DAB1: variants seen among roughly 807,000 people sequenced by gnomAD.
DAB1 encodes disabled homolog 1.
DAB1 carries 15 observed loss-of-function variants against 64.6 expected under a neutral mutation model. The ratio of observed to expected loss-of-function variants is 0.23; its 90% CI spans 0.16 to 0.36. DAB1 has a LOEUF of 0.36. DAB1 is among the 10% of genes least tolerant of loss of function. The pLI, the probability that DAB1 is intolerant of heterozygous loss-of-function variation, is 1.00. For missense variants in DAB1, 596 were observed against 706.7 expected, an observed-to-expected ratio of 0.84 and a Z score of 1.78; for synonymous variants, 235 against 251.9, an observed-to-expected ratio of 0.93 and a Z score of 0.64.
chr1:57,377,281 A>G (rs111754913), intron 1 of DAB1, among the ~76,000 whole-genome samples: 11 of 146,554 alleles, frequency 7.5e-5, no homozygotes, highest in East Asian at 2.0e-4. Flanking sequence ...AAAAAAAAAA[A>G]AAAAGAAAAG....
intron 6 of DAB1, among the ~76,000 whole-genome samples, chr1:57,693,760 A>C (rs1193698821): frequency 6.6e-6 from 1 of 152,198 alleles, no homozygotes; most frequent in Non-Finnish European, 1.5e-5. Flanking sequence ...ACCAGAAGGA[A>C]GAAACTCTGG....
intron 6 of DAB1, among the ~76,000 whole-genome samples, chr1:57,772,347 T>C (rs1462414823): frequency 6.6e-6 from 1 of 152,124 alleles, no homozygotes; most frequent in East Asian, 1.9e-4. Context: ...CTTTGCAAAA[T>C]TGTGTTTATT....
intron 6 of DAB1, among the ~76,000 whole-genome samples, chr1:57,658,530 C>A (rs558042835): frequency 1.3e-5 from 2 of 151,686 alleles, no homozygotes; most frequent in East Asian, 3.9e-4. Flanking sequence ...GTCTCGATCT[C>A]CTGACCTTGT....
intron 4 of DAB1, among the ~76,000 whole-genome samples, chr1:58,231,329 A>C (rs1016995024): frequency 3.9e-5 from 6 of 152,168 alleles, no homozygotes; most frequent in Non-Finnish European, 7.3e-5. Flanking sequence ...CAAACATTCT[A>C]TCATAGGCAG....
chr1:57,574,958 T>G (rs1032419588), intron 7 of DAB1, among the ~76,000 whole-genome samples: 2 of 152,182 alleles, frequency 1.3e-5, no homozygotes, highest in Non-Finnish European at 2.9e-5. Flanking sequence ...AAAGATACCT[T>G]ATAGAGAAGG....
At chr1:57,241,336 T>C (rs954746507) in intron 2 of DAB1, among the ~76,000 whole-genome samples, 25 of 152,334 alleles carry the variant, frequency 1.6e-4, no homozygotes, top group Admixed American at 1.4e-3. Flanking sequence ...TGCTATATGC[T>C]GGTATGACCT....
intron 3 of DAB1, chr1:58,468,798 G>A (rs866315036): frequency 5.7e-5 from 9 of 157,300 alleles, no homozygotes; most frequent in Middle Eastern, 6.7e-3. Flanking sequence ...CAGCAGGAAC[G>A]GCCCAGCTCT....
intron 5 of DAB1, among the ~76,000 whole-genome samples, chr1:57,932,805 T>C (rs535222554): frequency 6.6e-5 from 10 of 152,220 alleles, no homozygotes; most frequent in Admixed American, 1.3e-4. Context: ...TCTATGTCCA[T>C]TTACTTTTAA....
intron 8 of DAB1, 87 bp from the exon 9 acceptor site, chr1:57,063,030 G>A: frequency 8.5e-7 from 1 of 1,183,014 alleles, no homozygotes; most frequent in Non-Finnish European, 1.2e-6. Flanking sequence ...ACTGCAAGCT[G>A]GCTAAGGGTG....
chr1:57,417,269 C>A (rs1429650207), intron 1 of DAB1, among the ~76,000 whole-genome samples: 1 of 150,080 alleles, frequency 6.7e-6, no homozygotes, highest in Admixed American at 6.7e-5. Context: ...CCAGAGGTTG[C>A]AAATTGTTTT....
At chr1:57,239,111 T>C (rs955001101) in intron 2 of DAB1, among the ~76,000 whole-genome samples, 1 of 152,170 alleles carries the variant, frequency 6.6e-6, no homozygotes, top group Non-Finnish European at 1.5e-5. Flanking sequence ...CTCATTGCCC[T>C]TGTGACCCTT....
rs534556398 is a variant in DAB1, at chr1:57,905,627, C to A, written n.388-21465G>T. Among the ~76,000 whole-genome samples the A allele has an allele frequency of 2.0e-5, 3 of 152,222 alleles. 1 individual carries two copies. In the South Asian group the frequency reaches 6.2e-4, roughly 32 times the overall value. ...TGAGTCTGAAGCTCAGGGAAGAAGTCTGGGCTAGAGATGTAAACTTTGGAG... is the reference window on the plus strand; with the variant it reads ...TGAGTCTGAAGCTCAGGGAAGAAGTATGGGCTAGAGATGTAAACTTTGGAG... On this transcript the variant is annotated intron_variant and non_coding_transcript_variant, in intron 5 of 20. Coordinates refer to the DAB1 transcript ENST00000485760.
chr1:58,231,787 G>A (rs935016533), intron 4 of DAB1, among the ~76,000 whole-genome samples: 2 of 152,152 alleles, frequency 1.3e-5, no homozygotes, highest in African/African-American at 2.4e-5. Flanking sequence ...ATAACCAAGT[G>A]GGGACAGTTG....
chr1:58,355,007 G>A (rs895884768), intron 3 of DAB1, among the ~76,000 whole-genome samples: 3 of 152,056 alleles, frequency 2.0e-5, no homozygotes, highest in Non-Finnish European at 2.9e-5. Context: ...ATCATCAAAC[G>A]GAATCTATAC....
chr1:57,775,471 T>C (rs554972308), intron 6 of DAB1, among the ~76,000 whole-genome samples: 7 of 151,816 alleles, frequency 4.6e-5, no homozygotes, highest in African/African-American at 7.2e-5. Flanking sequence ...GTGTTTTCAT[T>C]GTAATGCACT....
At chr1:57,901,700 C>G (rs1644476223) in intron 5 of DAB1, among the ~76,000 whole-genome samples, 1 of 152,032 alleles carries the variant, frequency 6.6e-6, no homozygotes, top group Admixed American at 6.6e-5. Context: ...CCAGTGCTTC[C>G]CAGTCTGTCA....
chr1:57,376,623 T>G (rs1166122870), intron 1 of DAB1, among the ~76,000 whole-genome samples: 3 of 152,142 alleles, frequency 2.0e-5, no homozygotes, highest in Non-Finnish European at 2.9e-5. Context: ...CAGCTACCTG[T>G]GAACATCTTA....
Position 58,133,033 on chromosome 1 carries a change from C to T in DAB1, n.387+17478G>A, listed in dbSNP as rs191035282. 9.2e-5 allele frequency among the ~76,000 whole-genome samples: 14 copies of T among 152,290 alleles called. No individual in the cohort carries two copies. The East Asian group carries it at 2.3e-3, about 25-fold the overall frequency. On this transcript the variant is annotated intron_variant and non_coding_transcript_variant, in intron 5 of 20. Coordinates refer to the DAB1 transcript ENST00000485760. The stretch of plus-strand genomic sequence containing the variant: ...TCTGTATTTACATACAAAAAGCTGA[C>T]AGATCATTATCAGTTATTTCTTAAA...
chr1:58,287,280 T>C (rs1661707076), intron 4 of DAB1, among the ~76,000 whole-genome samples: 1 of 152,104 alleles, frequency 6.6e-6, no homozygotes, highest in Non-Finnish European at 1.5e-5. Context: ...CTATGTTACA[T>C]AGGTAACATA....
Sources: gnomAD v4.1 joint callset for allele counts (sites outside exome capture counted in the v4.1 genomes callset) on GRCh38, gnomAD v4.1.1 for gene constraint, MANE v1.5 for transcripts, NCBI Gene and HGNC (gene_info 2026-07-23, HGNC 2026-07-21) for gene names.